Variants in MARCHF1 observed in about 807,000 individuals in gnomAD.
MARCHF1 encodes E3 ubiquitin-protein ligase MARCHF1.
A neutral mutation model predicts 54.2 loss-of-function variants in MARCHF1; 40 were observed. The ratio of observed to expected loss-of-function variants is 0.74; its 90% CI spans 0.57 to 0.96. The LOEUF (loss-of-function observed/expected upper bound fraction) is 0.96, where lower values mean the gene tolerates loss of function less well. MARCHF1 is among the 40% of genes least tolerant of loss of function. The pLI is 0.00. For missense variants in MARCHF1, 586 were observed against 656.5 expected (o/e 0.89, Z 1.17); for synonymous variants, 236 against 236.3 (o/e 1.00, Z 0.01).
At chr4:164,226,993 A>G (rs1732276993) in intron 1 of MARCHF1, among the ~76,000 whole-genome samples, 1 of 152,146 alleles carries the variant, frequency 6.6e-6, no homozygotes, top group South Asian at 2.1e-4. Context: ...TTTTTATTCC[A>G]TTCCACATTT....
chr4:163,862,988 A>C (rs1603036), intron 3 of MARCHF1, among the ~76,000 whole-genome samples: 107,014 of 151,910 alleles, frequency 0.7, 39,247 homozygotes, highest in Middle Eastern at 0.83. Flanking sequence ...GTATGATTCC[A>C]ATTATATAGC....
intron 1 of MARCHF1, among the ~76,000 whole-genome samples, chr4:164,292,477 T>C (rs868284902): frequency 6.6e-6 from 1 of 152,312 alleles, no homozygotes; most frequent in African/African-American, 2.4e-5. Flanking sequence ...ATCTCACAGA[T>C]GTTAATAAAC....
intron 1 of MARCHF1, among the ~76,000 whole-genome samples, chr4:164,277,466 C>T (rs1350328736): frequency 6.6e-6 from 1 of 152,210 alleles, no homozygotes; most frequent in African/African-American, 2.4e-5. Context: ...CTACTAGCTT[C>T]TGTATTTAAG....
At chr4:164,220,658 A>ATATGTATGC (rs1732079443) in intron 1 of MARCHF1, among the ~76,000 whole-genome samples, 2 of 141,764 alleles carry the variant, frequency 1.4e-5, no homozygotes, top group African/African-American at 5.4e-5. Flanking sequence ...CATATATGTA[A>ATATGTATGC]TATATATGCT....
At chr4:163,714,945 G>T (rs1297463393) in intron 4 of MARCHF1, among the ~76,000 whole-genome samples, 2 of 152,054 alleles carry the variant, frequency 1.3e-5, no homozygotes, top group Admixed American at 1.3e-4. Context: ...GCCTCCCAAA[G>T]TGCTGAGATT....
chr4:164,081,004 C>T (rs922514150), intron 2 of MARCHF1, among the ~76,000 whole-genome samples: 8 of 149,880 alleles, frequency 5.3e-5, no homozygotes, highest in African/African-American at 2.0e-4. Flanking sequence ...GTCAGGAGAT[C>T]GAGACCATCC....
intron 5 of MARCHF1, among the ~76,000 whole-genome samples, chr4:163,661,316 A>G (rs1415060427): frequency 1.3e-5 from 2 of 151,988 alleles, no homozygotes; most frequent in African/African-American, 2.4e-5. Flanking sequence ...AATACATCAG[A>G]AAATCTATTA....
At chr4:164,014,564 G>A (rs1753497134) in intron 2 of MARCHF1, among the ~76,000 whole-genome samples, 2 of 152,046 alleles carry the variant, frequency 1.3e-5, no homozygotes. Context: ...AACAATGAAT[G>A]TAAATGGACA....
At chr4:163,830,923 C>T (rs1318337618) in intron 4 of MARCHF1, among the ~76,000 whole-genome samples, 1 of 152,178 alleles carries the variant, frequency 6.6e-6, no homozygotes, top group Admixed American at 6.5e-5. Flanking sequence ...AGGACGCCTA[C>T]CAGCAACACT....
At chr4:164,256,855 T>G (rs1733303653) in intron 1 of MARCHF1, among the ~76,000 whole-genome samples, 1 of 152,212 alleles carries the variant, frequency 6.6e-6, no homozygotes, top group Non-Finnish European at 1.5e-5. Context: ...TTTGGTCATT[T>G]TTTAATGTAA....
chr4:164,019,055 T>C (rs1363575893), intron 2 of MARCHF1, among the ~76,000 whole-genome samples: 1 of 152,208 alleles, frequency 6.6e-6, no homozygotes, highest in African/African-American at 2.4e-5. Flanking sequence ...CTGATTAACA[T>C]AGACTACATT....
intron 9 of MARCHF1, among the ~76,000 whole-genome samples, chr4:163,542,670 C>T (rs1738758380): frequency 6.6e-6 from 1 of 152,180 alleles, no homozygotes; most frequent in African/African-American, 2.4e-5. Flanking sequence ...GCATCAGAAT[C>T]ACCTGTAGGC....
chr4:164,075,930 CACTG>C (rs1754967337), intron 2 of MARCHF1, among the ~76,000 whole-genome samples: 1 of 152,106 alleles, frequency 6.6e-6, no homozygotes, highest in African/African-American at 2.4e-5. Context: ...CAGATACAGC[CACTG>C]ACTGTCTATC....
chr4:164,280,503 A>AC (rs1734000651), intron 1 of MARCHF1, among the ~76,000 whole-genome samples: 3 of 152,086 alleles, frequency 2.0e-5, no homozygotes, highest in African/African-American at 7.2e-5. Flanking sequence ...CAACTGGCTA[A>AC]CCATTTGGAA....
At chr4:163,930,571 A>G (rs73868950) in intron 3 of MARCHF1, among the ~76,000 whole-genome samples, 1,805 of 151,726 alleles carry the variant, frequency 0.012, 41 homozygotes, top group African/African-American at 0.042. Context: ...TTCATTCTAA[A>G]CATTCTGGAA....
At chr4:164,150,045 C>T (rs1261100366) in intron 1 of MARCHF1, among the ~76,000 whole-genome samples, 1 of 151,978 alleles carries the variant, frequency 6.6e-6, no homozygotes, top group Admixed American at 6.6e-5. Context: ...TCTCATAAAA[C>T]GATGTGATGG....
At chr4:164,155,920 T>A (rs1415354250) in intron 1 of MARCHF1, among the ~76,000 whole-genome samples, 1 of 152,198 alleles carries the variant, frequency 6.6e-6, no homozygotes, top group Non-Finnish European at 1.5e-5. Context: ...AAAATGATTT[T>A]CATCTTTCAG....
At chr4:164,244,281 C>G (rs1732871021) in intron 1 of MARCHF1, among the ~76,000 whole-genome samples, 1 of 152,072 alleles carries the variant, frequency 6.6e-6, no homozygotes. Flanking sequence ...TGCAATCAAA[C>G]TAGAACTCAG....
At chr4:163,531,288 C>A (rs1228874861) in intron 9 of MARCHF1, among the ~76,000 whole-genome samples, 3 of 151,770 alleles carry the variant, frequency 2.0e-5, no homozygotes, top group Non-Finnish European at 4.4e-5. Context: ...ACACTACAGC[C>A]AATAGAGATT....
Sources: allele counts gnomAD v4.1 joint callset (sites outside exome capture counted in the v4.1 genomes callset), GRCh38; gene constraint gnomAD v4.1.1; transcripts MANE v1.5; gene names NCBI Gene and HGNC (gene_info 2026-07-23, HGNC 2026-07-21).